The following ZBBX variants were observed in gnomAD, a reference collection of about 807,000 sequenced individuals.
The protein encoded by ZBBX is zinc finger B-box domain containing.
A neutral mutation model predicts 108.5 loss-of-function variants in ZBBX; 101 were observed. That is an observed-to-expected ratio of 0.93 (90% CI 0.79 to 1.10). The LOEUF (loss-of-function observed/expected upper bound fraction) is 1.10. Ranked by LOEUF, ZBBX falls within the 50% of genes least tolerant of loss-of-function variation. The probability of loss-of-function intolerance (pLI) is 0.00; values close to 1 mark genes in which losing one functional copy is unlikely to be tolerated. For missense variants in ZBBX, 1,009 were observed against 941.4 expected (o/e 1.07, Z -0.94); for synonymous variants, 356 against 323.4 (o/e 1.10, Z -1.08).
intron 20 of ZBBX, among the ~76,000 whole-genome samples, chr3:167,264,923 C>T (rs4593023): frequency 0.12 from 18,043 of 152,244 alleles, 1,362 homozygotes; most frequent in Non-Finnish European, 0.17. Flanking sequence ...GCTCTTCCAT[C>T]GGCTTATGAT....
At chr3:167,379,553 C>T (rs1375176607) in intron 2 of ZBBX, 85 bp downstream of exon 2, 1 of 152,056 alleles carries the variant, frequency 6.6e-6, no homozygotes, top group African/African-American at 2.4e-5. Flanking sequence ...TGTGTAGTTT[C>T]AACTTTACTA....
At chr3:167,204,576 AT>A in the ZBBX span, among the ~76,000 whole-genome samples, 1,907 of 149,366 alleles carry the variant, frequency 0.013, 20 homozygotes, top group South Asian at 0.024. Flanking sequence ...TGAACTCATC[AT>A]TTTTTATGGC....
intron 1 of ZBBX, among the ~76,000 whole-genome samples, chr3:167,389,686 T>C (rs1322800519): frequency 1.3e-5 from 2 of 152,186 alleles, no homozygotes; most frequent in Non-Finnish European, 2.9e-5. Flanking sequence ...TGGTGAGAGA[T>C]GGTATCTCAT....
intron 20 of ZBBX, among the ~76,000 whole-genome samples, chr3:167,279,093 A>G (rs1027784033): frequency 6.0e-5 from 9 of 150,820 alleles, no homozygotes; most frequent in Non-Finnish European, 1.2e-4. Context: ...CATTGATGGG[A>G]CATATTTCAA....
At chr3:167,326,776 T>C (rs1737463306) in intron 11 of ZBBX, among the ~76,000 whole-genome samples, 1 of 151,976 alleles carries the variant, frequency 6.6e-6, no homozygotes. Context: ...TAAAGAAATG[T>C]AGAAAAATAC....
chr3:167,327,784 C>A (rs575922890), intron 11 of ZBBX, among the ~76,000 whole-genome samples, 158 bp downstream of exon 11: 4 of 151,690 alleles, frequency 2.6e-5, no homozygotes, highest in African/African-American at 9.7e-5. Flanking sequence ...CATGGTGGCA[C>A]GCACTTGTAA....
intron 18 of ZBBX, among the ~76,000 whole-genome samples, chr3:167,297,285 A>G (rs1057029762): frequency 3.3e-5 from 5 of 151,954 alleles, no homozygotes; most frequent in African/African-American, 1.2e-4. Flanking sequence ...AGACCATTCA[A>G]TGGGGGAAAG....
At chr3:167,342,850 G>A (rs1328223967) in intron 9 of ZBBX, among the ~76,000 whole-genome samples, 3 of 151,066 alleles carry the variant, frequency 2.0e-5, no homozygotes, top group Non-Finnish European at 4.4e-5. Flanking sequence ...GTGATGGATG[G>A]ATGTATTACC....
At chr3:167,318,313 T>C (rs73879664) in intron 12 of ZBBX, among the ~76,000 whole-genome samples, 4,992 of 152,096 alleles carry the variant, frequency 0.033, 129 homozygotes, top group African/African-American at 0.068. Context: ...CAGTGATATT[T>C]GTAGTTAATA....
chr3:167,244,912 C>T (rs1232572215), intron 20 of ZBBX, among the ~76,000 whole-genome samples: 2 of 152,120 alleles, frequency 1.3e-5, no homozygotes, highest in African/African-American at 2.4e-5. Flanking sequence ...TTCTAAGGTG[C>T]ATTTCTAAAA....
rs1720539561 is a variant in ZBBX, at chr3:167,240,846, C to T, written c.2467G>A (p.Asp823Asn). 1 of 1,613,468 alleles carries T rather than the reference C, an allele frequency of 6.2e-7. No individual in the cohort carries two copies. Among genetic ancestry groups the T allele is most frequent in the Non-Finnish European group, 8.5e-7 (1 of 1,179,662 alleles). The change falls in exon 22 of 22, where the codon GAT (aspartate) becomes AAT (asparagine). Residue 823 changes from aspartate (D) to asparagine (N), a missense_variant. Transcript: ENST00000675490. ...SESSTDEEEE[D>N]FLNKQHVITL... ...ATGACATGTTGCTTGTTGAGAAAAT[C>T]TTCCTCCTCCTCATCTGTACTGCTC...
intron 10 of ZBBX, among the ~76,000 whole-genome samples, chr3:167,333,523 G>A (rs1739022339): frequency 6.6e-6 from 1 of 152,092 alleles, no homozygotes; most frequent in Non-Finnish European, 1.5e-5. Flanking sequence ...ATATTGCATT[G>A]TGGTTTTTAA....
chr3:167,335,603 A>C (rs979730743), intron 9 of ZBBX, among the ~76,000 whole-genome samples: 6 of 151,508 alleles, frequency 4.0e-5, no homozygotes, highest in Non-Finnish European at 8.8e-5. Context: ...GTACTCTGCC[A>C]TGAAAATGCT....
chr3:167,367,972 A>G (rs546715969), intron 5 of ZBBX, among the ~76,000 whole-genome samples: 195 of 17,796 alleles, frequency 0.011, no homozygotes, highest in African/African-American at 0.027. Flanking sequence ...ATATATGTAT[A>G]TATATATATA....
At chr3:167,184,184 A>C in the ZBBX span, among the ~76,000 whole-genome samples, 28 of 152,350 alleles carry the variant, frequency 1.8e-4, no homozygotes, top group East Asian at 4.6e-3. Context: ...ATTTATGCAT[A>C]TGTAAAAAGA....
chr3:167,234,647 AATTCTTGT>A, the ZBBX span, among the ~76,000 whole-genome samples: 1 of 151,852 alleles, frequency 6.6e-6, no homozygotes, highest in Non-Finnish European at 1.5e-5. Flanking sequence ...ATTAATGGAA[AATTCTTGT>A]ATACTGGAAA....
intron 11 of ZBBX, among the ~76,000 whole-genome samples, chr3:167,327,358 TAGA>T (rs1737586118): frequency 6.6e-6 from 1 of 152,100 alleles, no homozygotes; most frequent in South Asian, 2.1e-4. Context: ...AAATTTCTAC[TAGA>T]AGAAGAACTG....
At chr3:167,383,431 T>C (rs1747809759), upstream of ZBBX, among the ~76,000 whole-genome samples, 1 of 151,986 alleles carries the variant, frequency 6.6e-6, no homozygotes, top group South Asian at 2.1e-4. Flanking sequence ...TTACAAAAAA[T>C]CCTTAGCAAA....
intron 20 of ZBBX, among the ~76,000 whole-genome samples, chr3:167,251,695 A>G (rs1251002254): frequency 1.3e-5 from 2 of 152,182 alleles, no homozygotes; most frequent in African/African-American, 4.8e-5. Context: ...TCTCATATAT[A>G]TAATTTTAAT....
Sources: allele counts gnomAD v4.1 joint callset (sites outside exome capture counted in the v4.1 genomes callset), GRCh38; gene constraint gnomAD v4.1.1; transcripts MANE v1.5; gene names NCBI Gene and HGNC (gene_info 2026-07-23, HGNC 2026-07-21).